Variants in NAALAD2 observed in about 807,000 individuals in gnomAD.
The protein encoded by NAALAD2 is N-acetylated alpha-linked acidic dipeptidase 2, also known as N-acetylated-alpha-linked acidic dipeptidase 2.
NAALAD2 carries 89 observed loss-of-function variants against 95.6 expected under a neutral mutation model. The ratio of observed to expected loss-of-function variants is 0.93; its 90% CI spans 0.78 to 1.11. The LOEUF (loss-of-function observed/expected upper bound fraction) is 1.11, where lower values mean the gene tolerates loss of function less well. Among genes scored for constraint, NAALAD2 ranks in the 50% least tolerant of loss-of-function variants. NAALAD2 has a pLI of 0.00. For missense variants in NAALAD2, 894 were observed against 872.4 expected (o/e 1.02, Z -0.31); for synonymous variants, 264 against 294.4 (o/e 0.90, Z 1.06).
At chr11:90,159,113 T>G (rs118148271) in intron 7 of NAALAD2, 126 bp from the exon 8 acceptor site, 3 of 743,702 alleles carry the variant, frequency 4.0e-6, no homozygotes, top group Non-Finnish European at 6.8e-6. Context: ...TTTTTGACAG[T>G]ACCTGGCACT....
rs374464339 is a variant in NAALAD2 at position 90,181,724 on chromosome 11, TTTAAAA to T, written c.1940+24_1940+29del. On this transcript the variant is annotated intron_variant, in intron 17 of 18. Transcript: ENST00000534061. ...CAAGTAAGTTTCAAATCCCTTTTTT[TTTAAAA>T]AAAAAAAAAAAAGCAATCTGGTTAC... The T allele has an allele frequency of 1.5e-3, 2,088 of 1,381,730 alleles. 6 individuals are homozygous for T. The highest frequency in any genetic ancestry group is 0.01 in the South Asian group (793 of 78,554). The allele number at this position is 1,381,730 out of a possible 1,614,324, so 85.6% of individuals were successfully genotyped here.
intron 15 of NAALAD2, among the ~76,000 whole-genome samples, chr11:90,176,519 G>C (rs535277903): frequency 6.6e-6 from 1 of 152,074 alleles, no homozygotes; most frequent in Non-Finnish European, 1.5e-5. Flanking sequence ...CTGAGTCAAG[G>C]GTTCTTGGTT....
intron 13 of NAALAD2, among the ~76,000 whole-genome samples, chr11:90,172,154 T>C (rs1277097851): frequency 6.6e-6 from 1 of 152,156 alleles, no homozygotes. Flanking sequence ...ACAGAATCTC[T>C]CTCAACCATT....
intron 5 of NAALAD2, among the ~76,000 whole-genome samples, chr11:90,151,831 T>G (rs1951895221): frequency 6.6e-6 from 1 of 152,170 alleles, no homozygotes; most frequent in Non-Finnish European, 1.5e-5. Context: ...CATACAATTT[T>G]AAATGAGTTT....
At chr11:90,178,199 T>G in intron 16 of NAALAD2, 82 bp downstream of exon 16, 1 of 1,404,196 alleles carries the variant, frequency 7.1e-7, no homozygotes, top group Non-Finnish European at 9.6e-7. Flanking sequence ...CAATGCATAT[T>G]GTTTCATCCT....
At chr11:90,147,056 C>T (rs1054320838) in intron 2 of NAALAD2, among the ~76,000 whole-genome samples, 1 of 152,062 alleles carries the variant, frequency 6.6e-6, no homozygotes, top group African/African-American at 2.4e-5. Context: ...GACATTCTTC[C>T]AGGGTGTCAT....
chr11:90,153,745 A>G (rs1445887640), intron 6 of NAALAD2, among the ~76,000 whole-genome samples: 1 of 152,100 alleles, frequency 6.6e-6, no homozygotes, highest in Non-Finnish European at 1.5e-5. Context: ...AGAGTTTTAT[A>G]GTTTCACTGT....
intron 12 of NAALAD2, chr11:90,169,745 A>G (rs1309189279): frequency 3.7e-6 from 1 of 268,890 alleles, no homozygotes; most frequent in Non-Finnish European, 7.0e-6. Context: ...TGAAACAAGT[A>G]AAAAATTAAT....
Position 90,163,560 on chromosome 11 carries a change from T to G in NAALAD2, c.1221T>G (p.Ile407Met). 1.2e-6 allele frequency: 2 copies of G among 1,614,068 alleles called. No homozygotes were observed. The highest frequency in any genetic ancestry group is 1.7e-6 in the Non-Finnish European group (2 of 1,179,958). ...GCTGGAGACCTAGAAGAACTATCAT[T>G]TTTGCCAGCTGGGATGCAGAAGAAT... is the stretch of plus-strand genomic sequence containing the variant. ...SKGWRPRRTI[I>M]FASWDAEEFG... The change falls in exon 11 of 19, where the codon ATT becomes ATG. Residue 407 changes from isoleucine (I) to methionine (M), a missense_variant. Transcript: ENST00000534061.
intron 15 of NAALAD2, 52 bp downstream of exon 15, chr11:90,176,114 G>C: frequency 7.1e-7 from 1 of 1,406,768 alleles, no homozygotes; most frequent in Non-Finnish European, 1.0e-6. Flanking sequence ...CAGTCCTTTG[G>C]CGAAGAATGT....
At chr11:90,163,212 G>A (rs534048241) in intron 9 of NAALAD2, 98 bp from the exon 10 acceptor site, 18 of 1,356,216 alleles carry the variant, frequency 1.3e-5, no homozygotes, top group Non-Finnish European at 1.4e-5. Flanking sequence ...CTTCTATAGA[G>A]GAAACTCAAG....
At chr11:90,161,312 A>G (rs187088958) in intron 8 of NAALAD2, among the ~76,000 whole-genome samples, 84 of 152,274 alleles carry the variant, frequency 5.5e-4, no homozygotes, top group African/African-American at 2.0e-3. Context: ...TCATGTTTCT[A>G]TAAGTTAACT....
At position 90,148,358 on chromosome 11, in the gene NAALAD2, A is replaced by T. The variant is rs200453584; in HGVS notation, c.382-648A>T. On this transcript the variant is annotated intron_variant, in intron 3 of 18. Coordinates refer to ENST00000534061, the MANE Select transcript of NAALAD2 (RefSeq NM_005467.4). ...TGATTAGTGATTGACTTGGGGAAGG[A>T]GGGGAAGATAGAGTTCAGGATGACT... Among the ~76,000 whole-genome samples, 9 of 152,258 alleles carry T rather than the reference A, an allele frequency of 5.9e-5. No homozygotes were observed. In the East Asian group the frequency reaches 1.7e-3, roughly 29 times the overall value.
At chr11:90,167,384 G>A (rs908168271) in intron 11 of NAALAD2, among the ~76,000 whole-genome samples, 1 of 152,234 alleles carries the variant, frequency 6.6e-6, no homozygotes, top group South Asian at 2.1e-4. Flanking sequence ...CTCCCCGCAG[G>A]GCAGGGCTTC....
At chr11:90,135,162 C>A (rs1951422740) in intron 1 of NAALAD2, 2 of 331,810 alleles carry the variant, frequency 6.0e-6, no homozygotes, top group Non-Finnish European at 5.5e-6. Flanking sequence ...TCAAAACTTT[C>A]AACTAATACG....
intron 3 of NAALAD2, among the ~76,000 whole-genome samples, chr11:90,147,875 C>T (rs1190835781): frequency 6.6e-6 from 1 of 152,100 alleles, no homozygotes; most frequent in East Asian, 1.9e-4. Context: ...AGGAGTTAAC[C>T]ATGTGACAAA....
At chr11:90,166,489 T>C (rs1590999132) in intron 11 of NAALAD2, among the ~76,000 whole-genome samples, 1 of 152,224 alleles carries the variant, frequency 6.6e-6, no homozygotes, top group African/African-American at 2.4e-5. Flanking sequence ...CCTCCATAAA[T>C]GGATGTCAAA....
At chr11:90,184,834 G>C (rs919368165) in intron 18 of NAALAD2, among the ~76,000 whole-genome samples, 1 of 151,680 alleles carries the variant, frequency 6.6e-6, no homozygotes, top group Non-Finnish European at 1.5e-5. Flanking sequence ...CACATCTGTT[G>C]ATTCATCAAC....
rs966755534 is a variant in NAALAD2, at chr11:90,135,001, G to C, written c.82+161G>C. ...CACATTTCAGCAAAACTAGAAACCA[G>C]ATGGAATGTATTTTGGGCTTGCTAA... On this transcript the variant is annotated intron_variant, in intron 1 of 18. Transcript: ENST00000534061. 8.9e-6 allele frequency: 6 copies of C among 673,596 alleles called. 1 individual carries two copies. The highest frequency in any genetic ancestry group is 5.7e-5 in the South Asian group (3 of 52,742). The allele number at this position is 673,596 out of a possible 1,614,324, so 41.7% of individuals were successfully genotyped here. A position where few individuals can be genotyped will look rare whatever the true frequency, so the allele number is the denominator to read the frequency against.
Sources: gnomAD v4.1 joint callset for allele counts (sites outside exome capture counted in the v4.1 genomes callset) on GRCh38, gnomAD v4.1.1 for gene constraint, MANE v1.5 for transcripts, NCBI Gene and HGNC (gene_info 2026-07-23, HGNC 2026-07-21) for gene names.